Variants in ZNF658 observed in about 807,000 individuals in gnomAD.
The protein encoded by ZNF658 is zinc finger protein 658.
ZNF658 carries 46 observed loss-of-function variants against 78.0 expected under a neutral mutation model. The ratio of observed to expected loss-of-function variants is 0.59; its 90% CI spans 0.47 to 0.75. The LOEUF is 0.75. Among genes scored for constraint, ZNF658 ranks in the 30% least tolerant of loss-of-function variants. ZNF658 has a pLI of 0.00. For synonymous variants in ZNF658, 279 were observed against 408.4 expected (o/e 0.68, Z 3.82); for missense variants, 785 against 1,189.3 (o/e 0.66, Z 5.00).
downstream of ZNF658, among the ~76,000 whole-genome samples, chr9:66,921,862 C>T (rs1194119036): frequency 1.3e-5 from 2 of 150,878 alleles, no homozygotes; most frequent in African/African-American, 2.4e-5. Flanking sequence ...GGGAGAACCA[C>T]TACTCTCTTC....
At chr9:66,909,329 G>A (rs1587358661) in intron 4 of ZNF658, among the ~76,000 whole-genome samples, 1 of 150,810 alleles carries the variant, frequency 6.6e-6, no homozygotes, top group Middle Eastern at 3.4e-3. Flanking sequence ...TAGACATTTT[G>A]TATAAATTGG....
intron 4 of ZNF658, 93 bp from the exon 5 acceptor site, chr9:66,917,712 C>T: frequency 7.2e-7 from 1 of 1,386,290 alleles, no homozygotes; most frequent in Non-Finnish European, 9.5e-7. Flanking sequence ...TACCCTATTT[C>T]AAAAACCAAA....
In ZNF658 at chr9:66,918,475, G is replaced by T. The variant is rs1377741484; in HGVS notation, c.909G>T (p.Gly303=). The T allele has an allele frequency of 6.2e-7, 1 of 1,607,784 alleles. No individual in the cohort carries two copies. Among genetic ancestry groups the T allele is most frequent in the South Asian group, 1.1e-5 (1 of 90,780 alleles). ...CACACTATGAGTGTAATGAAAGGGG[G>T]ATTAATTTCAGTAGGAAGTCACCCC... ...AMTHYECNER[G]INFSRKSPLT... The change falls in exon 5 of 5, where the codon GGG becomes GGT. Residue 303 remains glycine (G), a synonymous_variant. Coordinates refer to ENST00000621410, the MANE Select transcript of ZNF658 (RefSeq NM_033160.7).
rs141026686 is a variant in ZNF658 at position 66,918,789 on chromosome 9, G to T, written c.1223G>T (p.Gly408Val). The T allele has an allele frequency of 5.4e-4, 864 of 1,613,792 alleles. 4 individuals carry two copies. The highest frequency in any genetic ancestry group is 7.1e-4 in the Non-Finnish European group (832 of 1,179,824). The part of the protein sequence containing the change: ...HLIQHQRPHS[G>V]EKTYQYEECA... ...ATTCAGCATCAGAGGCCCCACTCAG[G>T]AGAGAAAACTTACCAATATGAGGAA... The change falls in exon 5 of 5, where the codon GGA becomes GTA. Residue 408 changes from glycine (G) to valine (V), a missense_variant. Coordinates refer to ENST00000621410, the MANE Select transcript of ZNF658 (RefSeq NM_033160.7).
intron 4 of ZNF658, among the ~76,000 whole-genome samples, chr9:66,916,146 T>C (rs1822330638): frequency 6.6e-6 from 1 of 151,876 alleles, no homozygotes; most frequent in African/African-American, 2.4e-5. Context: ...CCTCAGCCTC[T>C]CAAAGTGATG....
At chr9:66,910,133 C>T (rs1383789390) in intron 4 of ZNF658, among the ~76,000 whole-genome samples, 1 of 152,134 alleles carries the variant, frequency 6.6e-6, no homozygotes, top group Non-Finnish European at 1.5e-5. Flanking sequence ...TCTGCAAATA[C>T]AGTTACACTG....
In ZNF658 at chr9:66,918,892, T is replaced by C. The variant is rs769276931; in HGVS notation, c.1326T>C (p.Cys442=). The change falls in exon 5 of 5, where the codon TGT becomes TGC. Residue 442 remains cysteine, a synonymous_variant. Transcript: ENST00000621410. ...GTYVGFKLYE[C]NECGKAFCQN... is the part of the protein sequence containing the mutation. Reference sequence around the variant, plus strand: ...ATGTGGGATTCAAACTTTATGAATGTAATGAATGTGGGAAAGCTTTCTGTC... The same window carrying C: ...ATGTGGGATTCAAACTTTATGAATGCAATGAATGTGGGAAAGCTTTCTGTC... 6.3e-7 allele frequency: 1 copy of C among 1,580,790 alleles called. No homozygotes were observed. Among genetic ancestry groups the C allele is most frequent in the South Asian group, 1.1e-5 (1 of 89,790 alleles).
At position 66,930,579 on chromosome 9, in the gene ZNF658, G is replaced by A. The variant is rs553767481; in HGVS notation, c.*55-1446G>A. On this transcript the variant is annotated intron_variant and NMD_transcript_variant, in intron 6 of 6. Coordinates refer to the ZNF658 transcript ENST00000622180. The stretch of plus-strand genomic sequence containing the variant: ...AATCCCAGAACTTTGGGAGGCCGAG[G>A]CAACCAGATCACAAGGTCAAGAGAT... 1.4e-4 allele frequency among the ~76,000 whole-genome samples: 21 copies of A among 151,972 alleles called. No homozygotes were observed. The East Asian group carries it at 3.1e-3, about 22-fold the overall frequency.
downstream of ZNF658, among the ~76,000 whole-genome samples, chr9:66,923,359 A>T (rs886760610): frequency 2.7e-5 from 4 of 147,210 alleles, no homozygotes; most frequent in African/African-American, 1.0e-4. Context: ...CCACCCAGAT[A>T]GAGGGTGGGT....
intron 4 of ZNF658, among the ~76,000 whole-genome samples, chr9:66,913,550 A>G (rs1368287820): frequency 1.3e-5 from 2 of 152,174 alleles, no homozygotes; most frequent in African/African-American, 2.4e-5. Flanking sequence ...CGCTAGTATA[A>G]CTTCAGAGGA....
At chr9:66,927,246 A>G (rs1822594551) in intron 6 of ZNF658, among the ~76,000 whole-genome samples, 1 of 150,904 alleles carries the variant, frequency 6.6e-6, no homozygotes, top group African/African-American at 2.4e-5. Flanking sequence ...ACCCACAGGT[A>G]TATGAAAAGA....
rs368259734 is a variant in ZNF658, at chr9:66,908,258, C to T, written c.36C>T (p.Asp12=). The part of the protein sequence containing the change: ...NMSQASVSFQ[D]VTVEFTREEW... ...TACAGGCATCAGTGTCATTCCAGGA[C>T]GTGACTGTGGAATTCACCCGGGAGG... The change falls in exon 3 of 5, where the codon GAC becomes GAT. Residue 12 remains aspartate, a synonymous_variant. Coordinates refer to ENST00000621410, the MANE Select transcript of ZNF658 (RefSeq NM_033160.7). 8.6e-5 allele frequency: 138 copies of T among 1,614,020 alleles called. No homozygotes were observed. Among genetic ancestry groups the T allele is most frequent in the Admixed American group, 3.3e-4 (20 of 59,998 alleles).
intron 4 of ZNF658, among the ~76,000 whole-genome samples, chr9:66,910,098 C>T (rs1348854670): frequency 6.6e-6 from 1 of 152,044 alleles, no homozygotes; most frequent in African/African-American, 2.4e-5. Flanking sequence ...TCATTTTTAC[C>T]CTTTTTGCCT....
At chr9:66,910,177 G>A (rs1345849160) in intron 4 of ZNF658, among the ~76,000 whole-genome samples, 1 of 152,118 alleles carries the variant, frequency 6.6e-6, no homozygotes. Flanking sequence ...ATTTGGGAAG[G>A]ACACAAATAA....
In ZNF658 at chr9:66,918,442, G is replaced by A. The variant is rs1279615372; in HGVS notation, c.876G>A (p.Met292Ile). 10 of 1,611,160 alleles carry A rather than the reference G, an allele frequency of 6.2e-6. No homozygotes were observed. Among genetic ancestry groups the A allele is most frequent in the African/African-American group, 1.3e-5 (1 of 74,704 alleles). Residue 292 changes from methionine to isoleucine, a missense_variant, in exon 5 of 5, where the codon ATG (methionine) becomes ATA (isoleucine). By Grantham distance (10) the Met-to-Ile change is conservative. Coordinates refer to ENST00000621410, the MANE Select transcript of ZNF658 (RefSeq NM_033160.7). ...TTAVEYNKVHMAMTHYECNER... is the reference protein window; with the variant it reads ...TTAVEYNKVHIAMTHYECNER... Reference sequence around the variant, plus strand: ...CTGTTGAATACAATAAAGTTCACATGGCTATGACACACTATGAGTGTAATG... The same window carrying A: ...CTGTTGAATACAATAAAGTTCACATAGCTATGACACACTATGAGTGTAATG...
Position 66,918,846 on chromosome 9 carries a change from C to G in ZNF658, c.1280C>G (p.Pro427Arg). 3 of 1,605,910 alleles carry G rather than the reference C, an allele frequency of 1.9e-6. No individual in the cohort carries two copies. The highest frequency in any genetic ancestry group is 2.6e-6 in the Non-Finnish European group (3 of 1,173,778). The change falls in exon 5 of 5, where the codon CCT (proline) becomes CGT (arginine). Residue 427 changes from proline to arginine, a missense_variant. By Grantham distance (103) the Pro-to-Arg change is moderately radical. Transcript: ENST00000621410. ...CAKSFCSSSHPIQHPGTYVGF... is the reference protein window; with the variant it reads ...CAKSFCSSSHRIQHPGTYVGF... ...AAATCCTTTTGTTCAAGTTCACATCCTATTCAGCATCCTGGAACTTATGTG... is the reference window on the plus strand; with the variant it reads ...AAATCCTTTTGTTCAAGTTCACATCGTATTCAGCATCCTGGAACTTATGTG...
In ZNF658 at chr9:66,918,846, C is replaced by T. The variant is rs780724560; in HGVS notation, c.1280C>T (p.Pro427Leu). The T allele has an allele frequency of 3.1e-5, 49 of 1,605,788 alleles. No homozygotes were observed. In the African/African-American group the frequency reaches 4.2e-4, roughly 14 times the overall value. The change falls in exon 5 of 5, where the codon CCT becomes CTT. Residue 427 changes from proline (P) to leucine (L), a missense_variant. Coordinates refer to ENST00000621410, the MANE Select transcript of ZNF658 (RefSeq NM_033160.7). ...CAKSFCSSSH[P>L]IQHPGTYVGF... The stretch of plus-strand genomic sequence containing the variant: ...AAATCCTTTTGTTCAAGTTCACATC[C>T]TATTCAGCATCCTGGAACTTATGTG...
At chr9:66,930,620 C>A (rs1266916711) in intron 6 of ZNF658, among the ~76,000 whole-genome samples, 1 of 151,794 alleles carries the variant, frequency 6.6e-6, no homozygotes, top group East Asian at 1.9e-4. Flanking sequence ...CCATTCTGGT[C>A]AACATGGTGA....
chr9:66,925,306 G>A (rs1822575410), downstream of ZNF658, among the ~76,000 whole-genome samples: 2 of 151,134 alleles, frequency 1.3e-5, no homozygotes, highest in African/African-American at 4.9e-5. Flanking sequence ...TAACACACAA[G>A]GACCAAGGGG....
Sources: allele counts gnomAD v4.1 joint callset (sites outside exome capture counted in the v4.1 genomes callset), GRCh38; gene constraint gnomAD v4.1.1; transcripts MANE v1.5; gene names NCBI Gene and HGNC (gene_info 2026-07-23, HGNC 2026-07-21).